The following NCKAP5 variants were observed in gnomAD, a reference collection of about 807,000 sequenced individuals.
The protein encoded by NCKAP5 is NCK associated protein 5, also known as nck-associated protein 5.
In NCKAP5, 92 loss-of-function variants were observed where a neutral mutation model predicts 167.0. That is an observed-to-expected ratio of 0.55 (90% CI 0.47 to 0.66). The LOEUF (loss-of-function observed/expected upper bound fraction) is 0.66. Among genes scored for constraint, NCKAP5 ranks in the 30% least tolerant of loss-of-function variants. The probability of loss-of-function intolerance (pLI) is 0.00; values close to 1 mark genes in which losing one functional copy is unlikely to be tolerated. For missense variants in NCKAP5, 2,378 were observed against 2,315.0 expected, an observed-to-expected ratio of 1.03 and a Z score of -0.56; for synonymous variants, 891 against 877.4, an observed-to-expected ratio of 1.02 and a Z score of -0.27.
chr2:133,611,414 G>T, the NCKAP5 span, among the ~76,000 whole-genome samples: 1 of 152,118 alleles, frequency 6.6e-6, no homozygotes, highest in African/African-American at 2.4e-5. Context: ...AATTCACTTT[G>T]CATTTGATTG....
chr2:133,083,544 C>A (rs988466244), intron 6 of NCKAP5, among the ~76,000 whole-genome samples: 1 of 152,100 alleles, frequency 6.6e-6, no homozygotes, highest in African/African-American at 2.4e-5. Context: ...AGGATTGATT[C>A]CAAATTGTTT....
chr2:133,074,778 G>T (rs1433633008), intron 6 of NCKAP5, among the ~76,000 whole-genome samples: 1 of 152,110 alleles, frequency 6.6e-6, no homozygotes, highest in Non-Finnish European at 1.5e-5. Flanking sequence ...AAAGATGGAT[G>T]AATAGAAATT....
intron 9 of NCKAP5, among the ~76,000 whole-genome samples, chr2:132,873,951 A>G (rs7589865): frequency 0.52 from 79,202 of 151,446 alleles, 21,293 homozygotes; most frequent in East Asian, 0.81. Context: ...GGGTCCTGCA[A>G]AAATAATGAG....
intron 5 of NCKAP5, 34 bp downstream of exon 5, chr2:133,213,682 G>A: frequency 6.2e-7 from 1 of 1,608,946 alleles, no homozygotes; most frequent in Non-Finnish European, 8.5e-7. Context: ...ACCTCTGGAT[G>A]TTGTGGAATG....
chr2:133,646,028 T>C, the NCKAP5 span, among the ~76,000 whole-genome samples: 1 of 151,828 alleles, frequency 6.6e-6, no homozygotes, highest in African/African-American at 2.4e-5. Context: ...ATCTAAATAA[T>C]AATGATTGAT....
the NCKAP5 span, among the ~76,000 whole-genome samples, chr2:133,607,350 G>A: frequency 6.6e-6 from 1 of 152,178 alleles, no homozygotes; most frequent in Non-Finnish European, 1.5e-5. Flanking sequence ...GACCCAGGTA[G>A]AGTGTCTCCA....
intron 19 of NCKAP5, among the ~76,000 whole-genome samples, chr2:132,723,520 C>T (rs111324306): frequency 0.06 from 9,169 of 151,960 alleles, 930 homozygotes; most frequent in African/African-American, 0.21. Context: ...CTGTGTTGTA[C>T]GAGCCACATG....
the NCKAP5 span, among the ~76,000 whole-genome samples, chr2:133,671,647 A>G: frequency 6.6e-6 from 1 of 152,208 alleles, no homozygotes; most frequent in East Asian, 1.9e-4. Context: ...CAGCCCCTCA[A>G]CCTTGGACTT....
At position 132,869,048 on chromosome 2, in the gene NCKAP5, A is replaced by C. The variant is rs139029192; in HGVS notation, c.649-74T>G. 130 of 1,074,020 alleles carry C rather than the reference A, an allele frequency of 1.2e-4. 2 individuals carry two copies. In the East Asian group the frequency reaches 3.5e-3, roughly 29 times the overall value. The allele number at this position is 1,074,020 out of a possible 1,614,324, so 66.5% of individuals were successfully genotyped here. ...ATGCACCGACTCTAATTTACCAATA[A>C]GTTTCTCGCAGCTTATTGTAGCTAA... On this transcript the variant is annotated intron_variant, in intron 9 of 19. Coordinates refer to ENST00000409261, the MANE Select transcript of NCKAP5 (RefSeq NM_207363.3).
chr2:133,640,342 G>A, the NCKAP5 span, among the ~76,000 whole-genome samples: 20 of 152,208 alleles, frequency 1.3e-4, no homozygotes, highest in Non-Finnish European at 2.4e-4. Context: ...ATTCACATGA[G>A]TAGGGAAGGT....
chr2:133,512,923 C>T (rs920962054), intron 3 of NCKAP5, among the ~76,000 whole-genome samples: 2 of 152,156 alleles, frequency 1.3e-5, no homozygotes, highest in South Asian at 4.1e-4. Flanking sequence ...CCCAGAGTGA[C>T]CTCAGCATCT....
intron 6 of NCKAP5, among the ~76,000 whole-genome samples, chr2:133,004,539 G>T (rs900063427): frequency 6.6e-6 from 1 of 152,116 alleles, no homozygotes. Flanking sequence ...GGGGAGGGGT[G>T]TACGAATAGG....
At chr2:133,433,837 G>A (rs190308491) in intron 3 of NCKAP5, 109 of 152,256 alleles carry the variant, frequency 7.2e-4, no homozygotes, top group African/African-American at 2.6e-3. Context: ...AGGAACCCAA[G>A]TCTTAATAAA....
chr2:132,962,898 C>T (rs1573564619), intron 8 of NCKAP5, among the ~76,000 whole-genome samples: 1 of 152,116 alleles, frequency 6.6e-6, no homozygotes, highest in Non-Finnish European at 1.5e-5. Context: ...GCCTCCAGCT[C>T]TTCTTCCTTT....
chr2:133,582,784 A>G, the NCKAP5 span, among the ~76,000 whole-genome samples: 54 of 152,342 alleles, frequency 3.5e-4, no homozygotes, highest in African/African-American at 1.3e-3. Context: ...TTCCTGGTCC[A>G]GTCAACCTGA....
intron 1 of NCKAP5, among the ~76,000 whole-genome samples, chr2:133,565,268 C>T (rs1191413189): frequency 6.6e-6 from 1 of 152,160 alleles, no homozygotes; most frequent in Non-Finnish European, 1.5e-5. Context: ...TGAATCCCAC[C>T]TTAGAGGTCA....
chr2:132,854,330 AG>A (rs1398486856), intron 11 of NCKAP5, among the ~76,000 whole-genome samples: 1 of 152,226 alleles, frequency 6.6e-6, no homozygotes, highest in Non-Finnish European at 1.5e-5. Flanking sequence ...TGAAGAGCAA[AG>A]GTATGCAAAA....
intron 2 of NCKAP5, among the ~76,000 whole-genome samples, chr2:133,547,285 G>A (rs1013091567): frequency 6.6e-6 from 1 of 152,192 alleles, no homozygotes; most frequent in Non-Finnish European, 1.5e-5. Context: ...CTGCAAGGCG[G>A]CAGAGAGGCT....
chr2:133,655,873 G>A, the NCKAP5 span, among the ~76,000 whole-genome samples: 1 of 152,266 alleles, frequency 6.6e-6, no homozygotes, highest in South Asian at 2.1e-4. Context: ...AGCTTGTAGA[G>A]GCTCTGCCTG....
Sources: allele counts gnomAD v4.1 joint callset (sites outside exome capture counted in the v4.1 genomes callset), GRCh38; gene constraint gnomAD v4.1.1; transcripts MANE v1.5; gene names NCBI Gene and HGNC (gene_info 2026-07-23, HGNC 2026-07-21).